SMCHD1: variants seen among roughly 807,000 people sequenced by gnomAD.
SMCHD1 encodes the protein structural maintenance of chromosomes flexible hinge domain containing 1.
SMCHD1 carries 78 observed loss-of-function variants against 254.7 expected under a neutral mutation model. The observed-to-expected ratio is 0.31, with a 90% CI of 0.26 to 0.37. The LOEUF (loss-of-function observed/expected upper bound fraction) is 0.37, where lower values mean the gene tolerates loss of function less well. SMCHD1 is among the 10% of genes least tolerant of loss of function. The pLI is 1.00. For missense variants in SMCHD1, 1,840 were observed against 2,408.1 expected (o/e 0.76, Z 4.94); for synonymous variants, 766 against 794.9 (o/e 0.96, Z 0.61).
In SMCHD1 at chr18:2,752,620, T is replaced by C. The variant is rs574120733; in HGVS notation, c.4346+68T>C. Reference sequence around the variant, plus strand: ...ACAAAGTAATTCAACCCTGGAGATATATGTGGGCTCACCTGAGGAAAAGTA... The same window carrying C: ...ACAAAGTAATTCAACCCTGGAGATACATGTGGGCTCACCTGAGGAAAAGTA... On this transcript the variant is annotated intron_variant, in intron 34 of 47. Coordinates refer to ENST00000320876, the MANE Select transcript of SMCHD1 (RefSeq NM_015295.3). 7.6e-5 allele frequency: 76 copies of C among 997,408 alleles called. No individual in the cohort carries two copies. In the South Asian group the frequency reaches 9.2e-4, roughly 12 times the overall value. The allele number at this position is 997,408 out of a possible 1,614,324, so 61.8% of individuals were successfully genotyped here. A position where few individuals can be genotyped will look rare whatever the true frequency, so the allele number is the denominator to read the frequency against.
At chr18:2,706,613 G>C in intron 15 of SMCHD1, 143 bp downstream of exon 15, 1 of 488,314 alleles carries the variant, frequency 2.0e-6, no homozygotes, top group East Asian at 3.3e-5. Flanking sequence ...ACTTCTTGTT[G>C]AAAAAAATTA....
At chr18:2,793,755 G>A (rs904639231) in intron 45 of SMCHD1, among the ~76,000 whole-genome samples, 3 of 151,710 alleles carry the variant, frequency 2.0e-5, no homozygotes, top group Non-Finnish European at 4.4e-5. Context: ...TAAGGGTCTT[G>A]TCGTCACTCA....
intron 12 of SMCHD1, 65 bp downstream of exon 12, chr18:2,700,983 A>C: frequency 8.3e-7 from 1 of 1,209,276 alleles, no homozygotes; most frequent in Non-Finnish European, 1.1e-6. Flanking sequence ...AAAAGAAGAC[A>C]CTAGCAGTGT....
At chr18:2,681,763 T>C (rs2073935032) in intron 5 of SMCHD1, among the ~76,000 whole-genome samples, 1 of 152,126 alleles carries the variant, frequency 6.6e-6, no homozygotes, top group Admixed American at 6.6e-5. Context: ...TTAGGTCAGC[T>C]GGATTCAGGT....
chr18:2,737,490 G>A (rs2075272937), intron 25 of SMCHD1, among the ~76,000 whole-genome samples: 1 of 152,188 alleles, frequency 6.6e-6, no homozygotes, highest in Admixed American at 6.5e-5. Context: ...AAAGGCTGAG[G>A]TGGGAGGATT....
intron 1 of SMCHD1, among the ~76,000 whole-genome samples, chr18:2,662,667 C>CAAAAAAAAAAAAAA (rs745838636): frequency 8.4e-5 from 3 of 35,672 alleles, no homozygotes; most frequent in African/African-American, 2.5e-4. Context: ...AACAAAAAAC[C>CAAAAAAAAAAAAAA]AAAAAAAAAA....
chr18:2,762,634 C>T (rs2075806469), intron 36 of SMCHD1, among the ~76,000 whole-genome samples: 1 of 151,954 alleles, frequency 6.6e-6, no homozygotes, highest in Non-Finnish European at 1.5e-5. Context: ...GTGCACAGCA[C>T]CACACCTGGC....
At chr18:2,784,898 G>A (rs2076213956) in intron 45 of SMCHD1, 1 of 480,772 alleles carries the variant, frequency 2.1e-6, no homozygotes, top group East Asian at 5.9e-5. Flanking sequence ...TGTCGCTTGA[G>A]CCCAGGAGTT....
At position 2,674,054 on chromosome 18, in the gene SMCHD1, A is replaced by G. The variant is rs754881998; in HGVS notation, c.547A>G (p.Ile183Val). Reference protein sequence around the residue: ...ETQGKPAVAVIDNGRGMTSKQ... With the variant: ...ETQGKPAVAVVDNGRGMTSKQ... ...ACAAGGAAAACCTGCTGTTGCAGTG[A>G]TAGATAATGGAAGAGGAATGACCTC... The change falls in exon 5 of 48, where the codon ATA (isoleucine) becomes GTA (valine). Residue 183 changes from isoleucine (I) to valine (V), a missense_variant. Ile to Val is a conservative substitution (Grantham distance 29, BLOSUM62 3). Coordinates refer to ENST00000320876, the MANE Select transcript of SMCHD1 (RefSeq NM_015295.3). The G allele has an allele frequency of 6.3e-6, 10 of 1,599,010 alleles. No homozygotes were observed. Among genetic ancestry groups the G allele is most frequent in the Non-Finnish European group, 8.5e-6 (10 of 1,172,036 alleles).
At chr18:2,700,014 T>TA (rs575941651) in intron 10 of SMCHD1, among the ~76,000 whole-genome samples, 14 of 152,250 alleles carry the variant, frequency 9.2e-5, no homozygotes, top group Non-Finnish European at 2.1e-4. Context: ...TAACATGTCT[T>TA]ACAGTTCTGT....
chr18:2,691,644 A>T (rs148116264), intron 7 of SMCHD1: 2,104 of 152,376 alleles, frequency 0.014, 25 homozygotes, highest in Non-Finnish European at 0.024. Context: ...TTTAACAGAA[A>T]ATATTTAATA....
At chr18:2,775,994 A>C (rs561209866) in intron 42 of SMCHD1, 70 bp downstream of exon 42, 2 of 1,287,304 alleles carry the variant, frequency 1.6e-6, no homozygotes, top group South Asian at 2.9e-5. Context: ...CCTTGAATTT[A>C]AAAATGATTT....
intron 43 of SMCHD1, 70 bp from the exon 44 acceptor site, chr18:2,778,099 T>C (rs1304790294): frequency 4.2e-6 from 5 of 1,195,306 alleles, no homozygotes; most frequent in Non-Finnish European, 4.8e-6. Flanking sequence ...AGACTTGCAA[T>C]GTGCATTATA....
rs201506754 is a variant in SMCHD1 at position 2,762,657 on chromosome 18, T to TC, written c.4566+421_4566+422insC. Among the ~76,000 whole-genome samples, 67 of 152,216 alleles carry TC rather than the reference T, an allele frequency of 4.4e-4. 2 individuals carry two copies. In the East Asian group the frequency reaches 9.5e-3, roughly 22 times the overall value. Reference sequence around the variant, plus strand: ...CACCACACCTGGCTAGTTTTAAATTTTTTTTCTGTGGGGTTTTGCTGTGTT... The same window carrying TC: ...CACCACACCTGGCTAGTTTTAAATTTCTTTTTCTGTGGGGTTTTGCTGTGTT... On this transcript the variant is annotated intron_variant, in intron 36 of 47. Transcript: ENST00000320876.
intron 5 of SMCHD1, among the ~76,000 whole-genome samples, chr18:2,678,831 T>G (rs4798016): frequency 0.027 from 361 of 13,534 alleles, 3 homozygotes; most frequent in Middle Eastern, 0.11. Context: ...TGTTTTTTTT[T>G]TTTTTTTGTT....
Position 2,746,015 on chromosome 18 carries a change from A to G in SMCHD1, c.3802-1507A>G, listed in dbSNP as rs142931069. ...TAGATGTGTATTAATAAATACATAT[A>G]TTATTCTTTATAAATGAGGGAACTG... On this transcript the variant is annotated intron_variant, in intron 29 of 47. Coordinates refer to ENST00000320876, the MANE Select transcript of SMCHD1 (RefSeq NM_015295.3). Among the ~76,000 whole-genome samples the G allele has an allele frequency of 4.4e-3, 667 of 152,226 alleles. 5 individuals are homozygous for G. The highest frequency in any genetic ancestry group is 0.016 in the African/African-American group (650 of 41,548).
chr18:2,727,862 A>G (rs2075055959), intron 22 of SMCHD1, among the ~76,000 whole-genome samples: 1 of 152,076 alleles, frequency 6.6e-6, no homozygotes, highest in African/African-American at 2.4e-5. Flanking sequence ...TATACTTGTT[A>G]TCAGTATGTA....
At chr18:2,664,248 T>C (rs2073374435) in intron 1 of SMCHD1, among the ~76,000 whole-genome samples, 1 of 152,210 alleles carries the variant, frequency 6.6e-6, no homozygotes, top group South Asian at 2.1e-4. Context: ...TAAAGCATTT[T>C]TAATATTGTC....
chr18:2,666,283 G>T (rs941292788), intron 2 of SMCHD1, 51 bp downstream of exon 2: 1 of 830,972 alleles, frequency 1.2e-6, no homozygotes, highest in Non-Finnish European at 1.9e-6. Context: ...ATAAGGTTTA[G>T]TACATATATA....
Sources: gnomAD v4.1 joint callset for allele counts (sites outside exome capture counted in the v4.1 genomes callset) on GRCh38, gnomAD v4.1.1 for gene constraint, MANE v1.5 for transcripts, NCBI Gene and HGNC (gene_info 2026-07-23, HGNC 2026-07-21) for gene names.